The following NOVA1 variants were observed in gnomAD, a reference collection of about 807,000 sequenced individuals.
NOVA1 encodes NOVA alternative splicing regulator 1.
In NOVA1, 7 loss-of-function variants were observed where a neutral mutation model predicts 38.0. The observed-to-expected ratio is 0.18, with a 90% CI of 0.10 to 0.35. The LOEUF (loss-of-function observed/expected upper bound fraction) is 0.35. Ranked by LOEUF, NOVA1 falls within the 10% of genes least tolerant of loss-of-function variation. The probability of loss-of-function intolerance (pLI) is 1.00; values close to 1 mark genes in which losing one functional copy is unlikely to be tolerated. For missense variants in NOVA1, 460 were observed against 616.0 expected, an observed-to-expected ratio of 0.75 and a Z score of 2.68; for synonymous variants, 270 against 232.5, an observed-to-expected ratio of 1.16 and a Z score of -1.47.
intron 2 of NOVA1, among the ~76,000 whole-genome samples, chr14:26,544,884 T>C (rs1041789424): frequency 6.6e-6 from 1 of 151,966 alleles, no homozygotes; most frequent in African/African-American, 2.4e-5. Context: ...CCTGAATGAG[T>C]CTATCTCTTC....
chr14:26,548,990 G>A (rs964049280), intron 2 of NOVA1, among the ~76,000 whole-genome samples: 3 of 152,042 alleles, frequency 2.0e-5, no homozygotes, highest in South Asian at 2.1e-4. Context: ...TTGTGGTAGC[G>A]CATGCCTGTA....
At chr14:26,543,322 C>T (rs531771727) in intron 2 of NOVA1, among the ~76,000 whole-genome samples, 10 of 152,070 alleles carry the variant, frequency 6.6e-5, no homozygotes, top group African/African-American at 2.4e-4. Flanking sequence ...TTATAAACTT[C>T]AATCTGAGTG....
At chr14:26,577,010 T>C (rs1892896555) in intron 2 of NOVA1, among the ~76,000 whole-genome samples, 1 of 152,056 alleles carries the variant, frequency 6.6e-6, no homozygotes, top group Non-Finnish European at 1.5e-5. Flanking sequence ...ACTCTTCCCA[T>C]TTCCCCTCCC....
chr14:26,551,396 C>G (rs1891151399), intron 2 of NOVA1, among the ~76,000 whole-genome samples: 3 of 152,046 alleles, frequency 2.0e-5, no homozygotes. Flanking sequence ...CCTCAAATAA[C>G]TTTGGGATTC....
At chr14:26,554,952 T>A (rs936879619) in intron 2 of NOVA1, among the ~76,000 whole-genome samples, 2 of 152,098 alleles carry the variant, frequency 1.3e-5, no homozygotes, top group African/African-American at 4.8e-5. Context: ...TTAAATAACA[T>A]GAATATGTTT....
chr14:26,540,229 G>A (rs1296669427), intron 2 of NOVA1, among the ~76,000 whole-genome samples: 1 of 152,150 alleles, frequency 6.6e-6, no homozygotes, highest in Non-Finnish European at 1.5e-5. Flanking sequence ...ATTACCACCT[G>A]AGCTCTGCCT....
At chr14:26,559,848 T>C (rs1188754175) in intron 2 of NOVA1, among the ~76,000 whole-genome samples, 1 of 151,500 alleles carries the variant, frequency 6.6e-6, no homozygotes, top group Non-Finnish European at 1.5e-5. Context: ...TATTTCAAAC[T>C]AATTACAAAA....
At chr14:26,569,043 C>T (rs1376680320) in intron 2 of NOVA1, among the ~76,000 whole-genome samples, 1 of 152,082 alleles carries the variant, frequency 6.6e-6, no homozygotes, top group Non-Finnish European at 1.5e-5. Flanking sequence ...TGAAGGAAAC[C>T]ACCTTTATCC....
intron 2 of NOVA1, among the ~76,000 whole-genome samples, chr14:26,565,198 T>G (rs1388240030): frequency 2.0e-5 from 3 of 152,204 alleles, no homozygotes; most frequent in Non-Finnish European, 4.4e-5. Flanking sequence ...CTACACTCAC[T>G]GTACTTTTAT....
chr14:26,498,582 T>C (rs922580785), intron 2 of NOVA1, among the ~76,000 whole-genome samples: 2 of 152,192 alleles, frequency 1.3e-5, no homozygotes, highest in Non-Finnish European at 2.9e-5. Context: ...TTTCCTACTG[T>C]TAAGCCATGA....
intron 2 of NOVA1, among the ~76,000 whole-genome samples, chr14:26,486,013 A>T (rs942349201): frequency 6.6e-6 from 1 of 152,200 alleles, no homozygotes; most frequent in Non-Finnish European, 1.5e-5. Context: ...TTAAAACAAC[A>T]TGATATACAG....
intron 2 of NOVA1, among the ~76,000 whole-genome samples, chr14:26,571,106 A>G (rs897490161): frequency 6.6e-6 from 1 of 151,692 alleles, no homozygotes; most frequent in African/African-American, 2.4e-5. Flanking sequence ...GTTAAATAAT[A>G]TGGATTAAAA....
intron 2 of NOVA1, among the ~76,000 whole-genome samples, chr14:26,537,332 C>T (rs1270657883): frequency 6.6e-6 from 1 of 151,884 alleles, no homozygotes; most frequent in East Asian, 1.9e-4. Flanking sequence ...TAGAAATAAA[C>T]TTATGAGCTA....
At chr14:26,458,643 A>G (rs1430431684) in intron 4 of NOVA1, among the ~76,000 whole-genome samples, 1 of 152,078 alleles carries the variant, frequency 6.6e-6, no homozygotes, top group East Asian at 1.9e-4. Context: ...AAAGATGGCA[A>G]CAATAGACAC....
chr14:26,482,884 T>C (rs1885577861), intron 2 of NOVA1, among the ~76,000 whole-genome samples: 1 of 152,010 alleles, frequency 6.6e-6, no homozygotes, highest in Admixed American at 6.6e-5. Flanking sequence ...GATTTTTTTG[T>C]AGAGACAGAG....
chr14:26,551,939 A>G (rs1468298642), intron 2 of NOVA1, among the ~76,000 whole-genome samples: 3 of 152,058 alleles, frequency 2.0e-5, no homozygotes, highest in Admixed American at 1.3e-4. Flanking sequence ...AAAACAGTGT[A>G]TGCTCCTCAA....
chr14:26,480,188 AT>A (rs764018967), intron 2 of NOVA1, 45 bp from the exon 3 acceptor site: 3 of 1,522,740 alleles, frequency 2.0e-6, no homozygotes, highest in Non-Finnish European at 2.7e-6. Flanking sequence ...CACACTTTGC[AT>A]TAAAAAAATT....
intron 2 of NOVA1, among the ~76,000 whole-genome samples, chr14:26,501,921 AT>A (rs1887270501): frequency 6.6e-6 from 1 of 151,936 alleles, no homozygotes; most frequent in Admixed American, 6.6e-5. Context: ...ATAAACTAAT[AT>A]GTCTGAGGAT....
chr14:26,543,348 T>C (rs1004921221), intron 2 of NOVA1, among the ~76,000 whole-genome samples: 2 of 151,996 alleles, frequency 1.3e-5, no homozygotes, highest in African/African-American at 2.4e-5. Context: ...AAGAGATTCA[T>C]TAATTAAGCA....
Sources: gnomAD v4.1 joint callset for allele counts (sites outside exome capture counted in the v4.1 genomes callset) on GRCh38, gnomAD v4.1.1 for gene constraint, MANE v1.5 for transcripts, NCBI Gene and HGNC (gene_info 2026-07-23, HGNC 2026-07-21) for gene names.